EPM2A: variants seen among roughly 807,000 people sequenced by gnomAD.
EPM2A encodes laforin.
EPM2A carries 21 observed loss-of-function variants against 26.5 expected under a neutral mutation model. That is an observed-to-expected ratio of 0.79 (90% confidence interval 0.56 to 1.14). The LOEUF is 1.14. Ranked by LOEUF, EPM2A falls within the 50% of genes most tolerant of loss-of-function variation. The probability of loss-of-function intolerance (pLI) is 0.00; values close to 1 mark genes in which losing one functional copy is unlikely to be tolerated. For synonymous variants in EPM2A, 217 were observed against 177.6 expected (o/e 1.22, Z -1.76); for missense variants, 458 against 440.8 (o/e 1.04, Z -0.35).
At chr6:145,607,099 GT>G (rs1441635974) in intron 2 of EPM2A, among the ~76,000 whole-genome samples, 3 of 152,074 alleles carry the variant, frequency 2.0e-5, no homozygotes, top group African/African-American at 7.2e-5. Flanking sequence ...CTCTCCTTGT[GT>G]TACCTGAGCT....
intron 4 of EPM2A, among the ~76,000 whole-genome samples, chr6:145,398,784 C>G (rs1778441927): frequency 1.3e-5 from 2 of 150,492 alleles, no homozygotes; most frequent in Admixed American, 1.3e-4. Flanking sequence ...CACTTTAACC[C>G]AGAAGGGAGA....
At chr6:145,493,203 G>A (rs888281003) in intron 4 of EPM2A, among the ~76,000 whole-genome samples, 4 of 152,174 alleles carry the variant, frequency 2.6e-5, no homozygotes, top group Non-Finnish European at 4.4e-5. Flanking sequence ...TTTGAGCAGT[G>A]GTTTGTAGCT....
At chr6:145,657,708 A>G (rs1398377172) in intron 2 of EPM2A, among the ~76,000 whole-genome samples, 1 of 152,246 alleles carries the variant, frequency 6.6e-6, no homozygotes, top group Non-Finnish European at 1.5e-5. Context: ...GCCACAGGGC[A>G]GATTTTTATT....
intron 1 of EPM2A, among the ~76,000 whole-genome samples, chr6:145,711,730 T>C (rs2128632291): frequency 6.6e-6 from 1 of 152,294 alleles, no homozygotes; most frequent in Admixed American, 6.5e-5. Context: ...AAATGTTTTT[T>C]AGAAAAGTTG....
intron 2 of EPM2A, among the ~76,000 whole-genome samples, chr6:145,642,137 G>C (rs1777131895): frequency 6.6e-6 from 1 of 152,094 alleles, no homozygotes; most frequent in Non-Finnish European, 1.5e-5. Flanking sequence ...CAATCATGAG[G>C]CAGCACAAAG....
intron 4 of EPM2A, among the ~76,000 whole-genome samples, chr6:145,464,552 A>G (rs1779363478): frequency 6.6e-6 from 1 of 152,152 alleles, no homozygotes; most frequent in South Asian, 2.1e-4. Flanking sequence ...CTTGCTAATG[A>G]AGTTAAGCAT....
chr6:145,469,855 T>C (rs1319633804), intron 4 of EPM2A, among the ~76,000 whole-genome samples: 1 of 152,138 alleles, frequency 6.6e-6, no homozygotes, highest in Non-Finnish European at 1.5e-5. Context: ...AAGAATGAGA[T>C]TCTGTTATTT....
chr6:145,683,268 G>GGTGTGTGTGT (rs35326843), intron 2 of EPM2A, among the ~76,000 whole-genome samples: 9,403 of 133,826 alleles, frequency 0.07, 409 homozygotes, highest in East Asian at 0.11. Flanking sequence ...CCCAGGATTT[G>GGTGTGTGTGT]GTGTGTGTGT....
chr6:145,551,305 C>T (rs555128831), intron 2 of EPM2A, among the ~76,000 whole-genome samples: 1 of 151,950 alleles, frequency 6.6e-6, no homozygotes, highest in Non-Finnish European at 1.5e-5. Flanking sequence ...AACAGTAAGT[C>T]TGAGTGGTTG....
chr6:145,664,733 C>T (rs990928010), intron 2 of EPM2A, among the ~76,000 whole-genome samples: 1 of 152,084 alleles, frequency 6.6e-6, no homozygotes, highest in Non-Finnish European at 1.5e-5. Flanking sequence ...CCACACCATA[C>T]CTATTCCAAA....
At position 145,676,030 on chromosome 6, in the gene EPM2A, A is replaced by G. The variant is rs191160359; in HGVS notation, c.476+10092T>C. 8.9e-4 allele frequency among the ~76,000 whole-genome samples: 135 copies of G among 152,354 alleles called. 1 individual carries two copies. The highest frequency in any genetic ancestry group is 1.2e-4 in the Non-Finnish European group (8 of 68,034). ...AAATTGACCACATAATTGGAAGTAA[A>G]GCATTCCTCAGCAAATGTAAAAGAA... On this transcript the variant is annotated intron_variant, in intron 2 of 3. Coordinates refer to ENST00000367519, the MANE Select transcript of EPM2A (RefSeq NM_005670.4).
chr6:145,627,419 C>T lies in EPM2A; in HGVS notation c.993G>A (p.Leu331=). The change falls in exon 4 of 4, where the codon CTG becomes CTA. Residue 331 remains leucine, a synonymous_variant. Transcript: ENST00000367519. ...FGKVRSSVCS[L] is the part of the protein sequence containing the mutation. The stretch of plus-strand genomic sequence containing the variant: ...GGGGCAGAAGCAGGCTGACCAGCTA[C>T]AGGCTACACACAGAAGAACGAACCT... 1 of 1,614,182 alleles carries T rather than the reference C, an allele frequency of 6.2e-7. No homozygotes were observed.
intron 2 of EPM2A, among the ~76,000 whole-genome samples, chr6:145,675,990 C>T (rs7772012): frequency 0.067 from 10,146 of 152,134 alleles, 1,136 homozygotes; most frequent in African/African-American, 0.23. Flanking sequence ...TTCTTCTCAG[C>T]ACCATATCGC....
chr6:145,520,947 TA>T (rs1257204498), intron 2 of EPM2A, among the ~76,000 whole-genome samples: 1 of 152,176 alleles, frequency 6.6e-6, no homozygotes, highest in African/African-American at 2.4e-5. Context: ...AAAGTGATGG[TA>T]AAAGAGAAAG....
At chr6:145,429,462 A>T (rs1036685595) in intron 4 of EPM2A, among the ~76,000 whole-genome samples, 21 of 152,298 alleles carry the variant, frequency 1.4e-4, no homozygotes, top group African/African-American at 5.1e-4. Flanking sequence ...AGTGATAAAG[A>T]ATATTACAAT....
intron 4 of EPM2A, among the ~76,000 whole-genome samples, chr6:145,468,691 T>C (rs1277521687): frequency 3.3e-5 from 5 of 152,052 alleles, no homozygotes; most frequent in Admixed American, 6.6e-5. Context: ...AAATAAAACA[T>C]TGGGGAACCT....
chr6:145,534,819 A>T (rs191854251), intron 2 of EPM2A, among the ~76,000 whole-genome samples: 6 of 152,328 alleles, frequency 3.9e-5, no homozygotes, highest in Non-Finnish European at 8.8e-5. Flanking sequence ...ATATATCTGC[A>T]TCTGACTCTG....
chr6:145,407,252 A>G (rs990918829), intron 4 of EPM2A, among the ~76,000 whole-genome samples: 9 of 152,184 alleles, frequency 5.9e-5, no homozygotes, highest in Admixed American at 2.0e-4. Context: ...CAAAAGACAT[A>G]CACTAAGTAT....
At chr6:145,410,984 T>C (rs1350058133) in intron 4 of EPM2A, among the ~76,000 whole-genome samples, 1 of 152,166 alleles carries the variant, frequency 6.6e-6, no homozygotes, top group Non-Finnish European at 1.5e-5. Flanking sequence ...ACATCACAGT[T>C]TCATCAGGCA....
Sources: allele counts gnomAD v4.1 joint callset (sites outside exome capture counted in the v4.1 genomes callset), GRCh38; gene constraint gnomAD v4.1.1; transcripts MANE v1.5; gene names NCBI Gene and HGNC (gene_info 2026-07-23, HGNC 2026-07-21).